Variants in DCAF8L2 observed in about 807,000 individuals in gnomAD.
DCAF8L2 encodes DDB1- and CUL4-associated factor 8-like protein 2.
For synonymous variants in DCAF8L2, 200 were observed against 190.9 expected (o/e 1.05, Z -0.39); for missense variants, 430 against 490.7 (o/e 0.88, Z 1.17).
chrX:27,747,847 A>G lies in DCAF8L2; in HGVS notation c.952A>G (p.Arg318Gly). ...CAATACTAAGTGTGTGGCCCAGCAC[A>G]GGGGACCTGCCCACAAGTTGGCTCT... is the stretch of plus-strand genomic sequence containing the variant. ...FNNTKCVAQHRGPAHKLALEP... is the reference protein window; with the variant it reads ...FNNTKCVAQHGGPAHKLALEP... The change falls in exon 5 of 5, where the codon AGG becomes GGG. Residue 318 changes from arginine to glycine, a missense_variant. Coordinates refer to ENST00000451261, the MANE Select transcript of DCAF8L2 (RefSeq NM_001353450.2). 8.3e-7 allele frequency: 1 copy of G among 1,210,375 alleles called. No homozygotes were observed. The highest frequency in any genetic ancestry group is 1.1e-6 in the Non-Finnish European group (1 of 894,462).
At chrX:27,514,204 A>G in the DCAF8L2 span, among the ~76,000 whole-genome samples, 4 of 74,977 alleles carry the variant, frequency 5.3e-5, no homozygotes, top group Non-Finnish European at 1.0e-4. Context: ...ACATATGTAC[A>G]TGTATGTGTG....
chrX:27,620,722 T>G (rs1927716233), intron 1 of DCAF8L2, among the ~76,000 whole-genome samples: 1 of 111,989 alleles, frequency 8.9e-6, no homozygotes, highest in South Asian at 3.7e-4. Context: ...ACATTTTTGG[T>G]GATAATGTAA....
At chrX:27,530,346 T>TC in the DCAF8L2 span, among the ~76,000 whole-genome samples, 74 of 109,001 alleles carry the variant, frequency 6.8e-4, no homozygotes, top group Non-Finnish European at 9.9e-4. Context: ...TGCTGTATAC[T>TC]CCCCCCCCAA....
At chrX:27,482,245 T>G in the DCAF8L2 span, among the ~76,000 whole-genome samples, 13 of 111,553 alleles carry the variant, frequency 1.2e-4, no homozygotes, top group African/African-American at 3.9e-4. Context: ...TCTTTTAGGT[T>G]GTGGTGGTAA....
chrX:27,486,255 C>G, the DCAF8L2 span, among the ~76,000 whole-genome samples: 2 of 110,108 alleles, frequency 1.8e-5, no homozygotes, highest in African/African-American at 3.3e-5. Flanking sequence ...ATCCACCCAC[C>G]TCGGCCTCCC....
the DCAF8L2 span, among the ~76,000 whole-genome samples, chrX:27,547,812 C>A: frequency 1.0e-5 from 1 of 99,545 alleles, no homozygotes; most frequent in African/African-American, 3.6e-5. Flanking sequence ...TGTGGGACTT[C>A]CCCATTTGCT....
chrX:27,700,198 C>T (rs781033305), intron 3 of DCAF8L2, among the ~76,000 whole-genome samples: 15 of 111,448 alleles, frequency 1.3e-4, no homozygotes, highest in Admixed American at 8.6e-4. Flanking sequence ...AAAGATTGTG[C>T]CTTCAGACCA....
chrX:27,683,360 T>C lies in DCAF8L2; in HGVS notation c.-143+5448T>C, dbSNP rs181336040. Among the ~76,000 whole-genome samples the C allele has an allele frequency of 1.9e-4, 21 of 111,969 alleles. No homozygotes were observed. The East Asian group carries it at 6.0e-3, about 32-fold the overall frequency. On this transcript the variant is annotated intron_variant, in intron 3 of 4. Transcript: ENST00000451261. ...ATTCGAACCATCATTTAACAAGATA[T>C]GGGAAGTGAATAGTATTTGCTCACC... is the stretch of plus-strand genomic sequence containing the variant.
At chrX:27,547,885 C>CTCTT in the DCAF8L2 span, among the ~76,000 whole-genome samples, 11 of 54,315 alleles carry the variant, frequency 2.0e-4, no homozygotes, top group East Asian at 1.8e-3. Context: ...CTCTCTCTCT[C>CTCTT]TCTCTTTCTC....
rs185631298 is a variant in DCAF8L2 at position 27,628,346 on chromosome X, G to A, written c.-341-3533G>A. Among the ~76,000 whole-genome samples, 310 of 111,242 alleles carry A rather than the reference G, an allele frequency of 2.8e-3. 1 individual carries two copies. Among genetic ancestry groups the A allele is most frequent in the African/African-American group, 9.5e-3 (291 of 30,610 alleles). On this transcript the variant is annotated intron_variant, in intron 1 of 4. Transcript: ENST00000451261. Reference sequence around the variant, plus strand: ...CCATTCATGAGTTGATGCCCACTTGGGTTTTTTCCATATATGGGCTATTTG... The same window carrying A: ...CCATTCATGAGTTGATGCCCACTTGAGTTTTTTCCATATATGGGCTATTTG...
chrX:27,614,065 G>C (rs1276781324), intron 1 of DCAF8L2, among the ~76,000 whole-genome samples: 1 of 111,295 alleles, frequency 9.0e-6, no homozygotes, highest in Non-Finnish European at 1.9e-5. Context: ...GAATTCGGCT[G>C]TGAATCCATC....
the DCAF8L2 span, among the ~76,000 whole-genome samples, chrX:27,547,820 GCTCT>G: frequency 2.6e-3 from 170 of 66,630 alleles, no homozygotes; most frequent in Non-Finnish European, 2.3e-3. Context: ...TTCCCCATTT[GCTCT>G]CTCTCTCTCT....
chrX:27,503,115 TC>T, the DCAF8L2 span, among the ~76,000 whole-genome samples: 13 of 111,980 alleles, frequency 1.2e-4, no homozygotes, highest in Non-Finnish European at 2.4e-4. Context: ...TGGTGGAGTG[TC>T]TGTTCAAGCC....
At chrX:27,502,636 C>T in the DCAF8L2 span, among the ~76,000 whole-genome samples, 2 of 109,150 alleles carry the variant, frequency 1.8e-5, no homozygotes, top group African/African-American at 6.6e-5. Flanking sequence ...TCATAAGCTA[C>T]TTGCTTAACT....
the DCAF8L2 span, among the ~76,000 whole-genome samples, chrX:27,561,506 G>A: frequency 3.2e-4 from 35 of 110,373 alleles, no homozygotes; most frequent in Non-Finnish European, 6.1e-4. Context: ...TAGTATATTC[G>A]CAGTGTTGCA....
At chrX:27,638,463 C>T (rs1928584722) in intron 2 of DCAF8L2, among the ~76,000 whole-genome samples, 1 of 111,873 alleles carries the variant, frequency 8.9e-6, no homozygotes, top group Non-Finnish European at 1.9e-5. Context: ...TTTTAACCTT[C>T]ATGGCCAGCT....
At chrX:27,591,012 T>TATATATATATATATAA (rs1311861515) in intron 1 of DCAF8L2, among the ~76,000 whole-genome samples, 9 of 88,529 alleles carry the variant, frequency 1.0e-4, no homozygotes, top group East Asian at 4.0e-4. Flanking sequence ...TATATATATA[T>TATATATATATATATAA]ATAAATAAAT....
intron 2 of DCAF8L2, among the ~76,000 whole-genome samples, chrX:27,658,834 A>C (rs1286984225): frequency 1.8e-5 from 2 of 112,111 alleles, no homozygotes; most frequent in Non-Finnish European, 3.8e-5. Flanking sequence ...TACCTGTAAA[A>C]ATGGGGATAA....
At chrX:27,645,021 G>C (rs113389261) in intron 2 of DCAF8L2, among the ~76,000 whole-genome samples, 4,435 of 112,060 alleles carry the variant, frequency 0.04, 217 homozygotes, top group African/African-American at 0.13. Context: ...CTCCTAAAGT[G>C]CTGGGATTAC....
Sources: gnomAD v4.1 joint callset for allele counts (sites outside exome capture counted in the v4.1 genomes callset) on GRCh38, gnomAD v4.1.1 for gene constraint, MANE v1.5 for transcripts, NCBI Gene and HGNC (gene_info 2026-07-23, HGNC 2026-07-21) for gene names.